The following ZC3H11A variants were observed in gnomAD, a reference collection of about 807,000 sequenced individuals.
ZC3H11A encodes the protein zinc finger CCCH domain-containing protein 11A.
ZC3H11A carries 22 observed loss-of-function variants against 90.8 expected under a neutral mutation model. The ratio of observed to expected loss-of-function variants is 0.24; its 90% CI spans 0.17 to 0.35. ZC3H11A has a LOEUF of 0.35. ZC3H11A is among the 10% of genes least tolerant of loss of function. ZC3H11A has a pLI of 1.00. For synonymous variants in ZC3H11A, 294 were observed against 339.8 expected (o/e 0.87, Z 1.48); for missense variants, 701 against 964.9 (o/e 0.73, Z 3.62).
Position 203,802,383 on chromosome 1 carries a change from A to G in ZC3H11A, c.-779A>G, listed in dbSNP as rs1452143912. On this transcript the variant is annotated 5_prime_UTR_variant, in exon 2 of 18. Coordinates refer to ENST00000367210, the MANE Select transcript of ZC3H11A (RefSeq NM_001376342.1). ...TCTAAAGTCTTTTATAGTGCATTTT[A>G]AAAGGGGAAACTTATCCAAATGTTA... 6.6e-6 allele frequency: 1 copy of G among 152,536 alleles called. No individual in the cohort carries two copies. The highest frequency in any genetic ancestry group is 1.5e-5 in the Non-Finnish European group (1 of 68,020). 9.4% of individuals were successfully genotyped at this position (152,536 alleles called of 1,614,324 possible). A position where few individuals can be genotyped will look rare whatever the true frequency, so the allele number is the denominator to read the frequency against.
chr1:203,842,612 G>T (rs1398808260), intron 12 of ZC3H11A, among the ~76,000 whole-genome samples: 1 of 148,474 alleles, frequency 6.7e-6, no homozygotes, highest in East Asian at 1.9e-4. Flanking sequence ...AGAGGGGGAG[G>T]GGGAGGGGGA....
chr1:203,841,974 G>C (rs959264887), intron 12 of ZC3H11A, among the ~76,000 whole-genome samples: 3 of 151,200 alleles, frequency 2.0e-5, no homozygotes, highest in Non-Finnish European at 4.4e-5. Context: ...GCCGCGGCTG[G>C]GCAGAGGGGC....
Position 203,836,169 on chromosome 1 carries a change from G to A in ZC3H11A, c.875-1797G>A, listed in dbSNP as rs117139926. On this transcript the variant is annotated intron_variant, in intron 10 of 17. Coordinates refer to ENST00000367210, the MANE Select transcript of ZC3H11A (RefSeq NM_001376342.1). ...CAGCTGAGGTTAGAGGATCCCTTGAGTCCAGGAGTTTGAGTCCAGTCTGGG... is the reference window on the plus strand; with the variant it reads ...CAGCTGAGGTTAGAGGATCCCTTGAATCCAGGAGTTTGAGTCCAGTCTGGG... Among the ~76,000 whole-genome samples, 934 of 152,246 alleles carry A rather than the reference G, an allele frequency of 6.1e-3. 36 individuals are homozygous for A. Among genetic ancestry groups the A allele is most frequent in the Admixed American group, 0.044 (670 of 15,284 alleles).
At chr1:203,798,584 C>T in intron 1 of ZC3H11A, 1 of 1,536,130 alleles carries the variant, frequency 6.5e-7, no homozygotes, top group Non-Finnish European at 8.7e-7. Context: ...AGTCTACAGG[C>T]AGCCAAGATT....
At chr1:203,815,211 C>CTTTCTTTTTTTTTTTTTT (rs779729339) in intron 2 of ZC3H11A, among the ~76,000 whole-genome samples, 1 of 59,400 alleles carries the variant, frequency 1.7e-5, no homozygotes, top group Admixed American at 2.6e-4. Flanking sequence ...TCTTCCTTTT[C>CTTTCTTTTTTTTTTTTTT]TTTTCTTTTT....
At chr1:203,807,428 A>G (rs1672754195) in intron 2 of ZC3H11A, among the ~76,000 whole-genome samples, 1 of 150,692 alleles carries the variant, frequency 6.6e-6, no homozygotes, top group Non-Finnish European at 1.5e-5. Context: ...TGGGATTACA[A>G]ATGTGACTCA....
intron 17 of ZC3H11A, among the ~76,000 whole-genome samples, chr1:203,851,465 G>A (rs1441787174): frequency 6.6e-6 from 1 of 152,130 alleles, no homozygotes; most frequent in African/African-American, 2.4e-5. Context: ...AAGTAGCTGG[G>A]ATTACAGGTG....
At chr1:203,800,381 C>T (rs774503590) in intron 1 of ZC3H11A, 30 of 1,004,740 alleles carry the variant, frequency 3.0e-5, no homozygotes, top group South Asian at 2.3e-4. Context: ...ATGTTAACTA[C>T]GATTATTCTA....
At chr1:203,796,191 T>G (rs1668427985) in intron 1 of ZC3H11A, 1 of 379,214 alleles carries the variant, frequency 2.6e-6, no homozygotes, top group East Asian at 3.8e-5. Flanking sequence ...CTAGATTGCT[T>G]TCTTCGGGGC....
At chr1:203,799,631 C>T (rs909872848) in intron 1 of ZC3H11A, 10 of 703,164 alleles carry the variant, frequency 1.4e-5, no homozygotes, top group Non-Finnish European at 2.3e-5. Context: ...AGAAAGTGAG[C>T]GTGAAGACCG....
chr1:203,815,283 C>G (rs1207582299), intron 2 of ZC3H11A, among the ~76,000 whole-genome samples: 2 of 127,516 alleles, frequency 1.6e-5, no homozygotes, highest in African/African-American at 3.0e-5. Flanking sequence ...GGCGCAATGT[C>G]AGCTCACTGC....
chr1:203,826,106 G>C (rs977759126), intron 4 of ZC3H11A, among the ~76,000 whole-genome samples: 1 of 152,114 alleles, frequency 6.6e-6, no homozygotes, highest in African/African-American at 2.4e-5. Flanking sequence ...CCTTGAGAAA[G>C]GAAGAATTGA....
chr1:203,833,788 C>A lies in ZC3H11A; in HGVS notation c.812-3C>A. The A allele has an allele frequency of 6.2e-7, 1 of 1,604,942 alleles. No individual in the cohort carries two copies. Among genetic ancestry groups the A allele is most frequent in the Non-Finnish European group, 8.5e-7 (1 of 1,176,880 alleles). On this transcript the variant is annotated splice_polypyrimidine_tract_variant and splice_region_variant and intron_variant, in intron 9 of 17. Coordinates refer to ENST00000367210, the MANE Select transcript of ZC3H11A (RefSeq NM_001376342.1). ...TAGAGAAATTCTGCTTTTGCCATTTCAGGAGAAGAACCCTTGGTTAGATTG... is the reference window on the plus strand; with the variant it reads ...TAGAGAAATTCTGCTTTTGCCATTTAAGGAGAAGAACCCTTGGTTAGATTG...
chr1:203,848,889 T>C (rs1688609818), intron 14 of ZC3H11A, among the ~76,000 whole-genome samples: 1 of 151,396 alleles, frequency 6.6e-6, no homozygotes, highest in Non-Finnish European at 1.5e-5. Context: ...ATCTTTTCCA[T>C]GGATTTCTTC....
intron 2 of ZC3H11A, among the ~76,000 whole-genome samples, chr1:203,810,370 T>A (rs1673962264): frequency 6.6e-6 from 1 of 152,120 alleles, no homozygotes; most frequent in East Asian, 1.9e-4. Context: ...GAAACTTTTC[T>A]TTTTTTCTTT....
At chr1:203,832,163 A>G (rs1004752328) in intron 9 of ZC3H11A, among the ~76,000 whole-genome samples, 2 of 151,880 alleles carry the variant, frequency 1.3e-5, no homozygotes, top group African/African-American at 4.8e-5. Context: ...GGTTCAAGCA[A>G]TTTTCGTGTC....
At position 203,849,938 on chromosome 1, in the gene ZC3H11A, C is replaced by T. The variant is rs1386340445; in HGVS notation, c.1851C>T (p.Ser617=). 2.1e-5 allele frequency: 34 copies of T among 1,613,874 alleles called. No individual in the cohort carries two copies. Among genetic ancestry groups the T allele is most frequent in the Non-Finnish European group, 2.2e-5 (26 of 1,179,994 alleles). The change falls in exon 15 of 18, where the codon TCC becomes TCT. Residue 617 remains serine (S), a synonymous_variant. Coordinates refer to ENST00000367210, the MANE Select transcript of ZC3H11A (RefSeq NM_001376342.1). ...HLTKRLPTKS[S]QKVEVETSGI... ...CCAAGCGGCTTCCCACAAAGTCATC[C>T]CAGAAGGTGGAGGTAGAAACCTCAG...
intron 4 of ZC3H11A, among the ~76,000 whole-genome samples, chr1:203,819,257 T>A (rs185626692): frequency 1.2e-3 from 178 of 150,132 alleles, no homozygotes; most frequent in Admixed American, 2.7e-3. Context: ...AGTCTCACTC[T>A]GTCGCCCACG....
At chr1:203,824,513 A>G (rs569606581) in intron 4 of ZC3H11A, among the ~76,000 whole-genome samples, 9 of 152,248 alleles carry the variant, frequency 5.9e-5, no homozygotes, top group Middle Eastern at 3.4e-3. Context: ...CCAAATCAGT[A>G]CTTGGCCATT....
Sources: allele counts gnomAD v4.1 joint callset (sites outside exome capture counted in the v4.1 genomes callset), GRCh38; gene constraint gnomAD v4.1.1; transcripts MANE v1.5; gene names NCBI Gene and HGNC (gene_info 2026-07-23, HGNC 2026-07-21).